PTPRN2: variants seen among roughly 807,000 people sequenced by gnomAD.
PTPRN2 encodes the protein receptor-type tyrosine-protein phosphatase N2.
Under a neutral mutation model 118.8 loss-of-function variants are expected in PTPRN2, and 74 were observed. That is an observed-to-expected ratio of 0.62 (90% CI 0.52 to 0.76). PTPRN2 has a LOEUF of 0.76. Ranked by LOEUF, PTPRN2 falls within the 30% of genes least tolerant of loss-of-function variation. PTPRN2 has a pLI of 0.00. For missense variants in PTPRN2, 1,481 were observed against 1,394.4 expected (o/e 1.06, Z -0.99); for synonymous variants, 641 against 608.0 (o/e 1.05, Z -0.80).
chr7:157,641,084 A>G (rs1012610206), intron 14 of PTPRN2, among the ~76,000 whole-genome samples: 2 of 152,238 alleles, frequency 1.3e-5, no homozygotes, highest in African/African-American at 4.8e-5. Context: ...ATACTGAACA[A>G]TACTGTATGT....
intron 3 of PTPRN2, among the ~76,000 whole-genome samples, chr7:158,264,180 G>A (rs1015495659): frequency 4.6e-5 from 7 of 152,192 alleles, no homozygotes; most frequent in African/African-American, 1.4e-4. Context: ...AGCGCGTCAG[G>A]CAGAATGAGC....
intron 17 of PTPRN2, among the ~76,000 whole-genome samples, chr7:157,586,678 T>C (rs752774130): frequency 6.6e-6 from 1 of 151,712 alleles, no homozygotes; most frequent in Non-Finnish European, 1.5e-5. Context: ...GGCCCCCTGC[T>C]ACTGGACACT....
intron 3 of PTPRN2, among the ~76,000 whole-genome samples, chr7:158,292,429 T>C (rs1800182942): frequency 6.6e-6 from 1 of 152,196 alleles, no homozygotes; most frequent in African/African-American, 2.4e-5. Flanking sequence ...GTAAAAACTG[T>C]GGGTTGCATC....
chr7:158,463,648 C>T (rs4909229), intron 2 of PTPRN2, among the ~76,000 whole-genome samples: 2,645 of 148,564 alleles, frequency 0.018, 46 homozygotes, highest in Admixed American at 0.061. Flanking sequence ...ATCATCATCA[C>T]CATCATCGTC....
intron 16 of PTPRN2, among the ~76,000 whole-genome samples, chr7:157,599,551 A>G (rs1199318108): frequency 6.6e-6 from 1 of 152,182 alleles, no homozygotes; most frequent in Non-Finnish European, 1.5e-5. Flanking sequence ...AATTTCCCCA[A>G]TATTCCAAAC....
At chr7:157,634,545 G>A (rs538998401) in intron 14 of PTPRN2, among the ~76,000 whole-genome samples, 1 of 152,312 alleles carries the variant, frequency 6.6e-6, no homozygotes, top group South Asian at 2.1e-4. Context: ...CTGAAACACA[G>A]ACCAAGGCAT....
chr7:157,872,501 C>T (rs974551913), intron 12 of PTPRN2, among the ~76,000 whole-genome samples: 3 of 152,106 alleles, frequency 2.0e-5, no homozygotes, highest in Non-Finnish European at 2.9e-5. Context: ...AGTGTCCTCC[C>T]CACACACGCA....
chr7:158,180,630 T>C (rs1388908344), intron 5 of PTPRN2, among the ~76,000 whole-genome samples: 1 of 152,252 alleles, frequency 6.6e-6, no homozygotes. Context: ...CAGTGTCTTG[T>C]AGTTCTCTGT....
At chr7:158,128,207 C>T (rs980535409) in intron 9 of PTPRN2, among the ~76,000 whole-genome samples, 2 of 152,098 alleles carry the variant, frequency 1.3e-5, no homozygotes, top group Admixed American at 6.5e-5. Context: ...GAAAACTTGC[C>T]CAAGAGAATC....
chr7:158,536,665 C>CGGGACTCAGG, intron 1 of PTPRN2, among the ~76,000 whole-genome samples: 1 of 148,462 alleles, frequency 6.7e-6, no homozygotes, highest in African/African-American at 2.5e-5. Context: ...CCACCATTGA[C>CGGGACTCAGG]AAAACAAGAC....
intron 3 of PTPRN2, among the ~76,000 whole-genome samples, chr7:158,207,700 G>A (rs55633973): frequency 0.17 from 26,021 of 152,062 alleles, 2,481 homozygotes; most frequent in Non-Finnish European, 0.22. Flanking sequence ...AGATTTTAGC[G>A]ACTACAATAA....
intron 5 of PTPRN2, among the ~76,000 whole-genome samples, chr7:158,171,998 C>G (rs1243994796): frequency 2.0e-5 from 3 of 152,170 alleles, no homozygotes; most frequent in Non-Finnish European, 4.4e-5. Flanking sequence ...TCTGGGGTAG[C>G]CCAGCTGTGG....
intron 12 of PTPRN2, among the ~76,000 whole-genome samples, chr7:157,828,571 C>T (rs1396896682): frequency 1.4e-5 from 2 of 142,868 alleles, no homozygotes; most frequent in Non-Finnish European, 3.0e-5. Context: ...GGTATGATCA[C>T]AGCAAGACCC....
chr7:158,149,371 C>G (rs1052263059), intron 6 of PTPRN2, among the ~76,000 whole-genome samples: 7 of 151,852 alleles, frequency 4.6e-5, no homozygotes, highest in Non-Finnish European at 7.4e-5. Flanking sequence ...AAACTTAAAT[C>G]TAACCAGTGT....
In PTPRN2 at chr7:158,256,321, G is replaced by C. The variant is rs190500216; in HGVS notation, c.278-51048C>G. 2.3e-3 allele frequency among the ~76,000 whole-genome samples: 333 copies of C among 143,560 alleles called. 3 individuals carry two copies. Among genetic ancestry groups the C allele is most frequent in the African/African-American group, 7.9e-3 (323 of 40,874 alleles). 94.2% of individuals were successfully genotyped at this position (143,560 alleles called of 152,430 possible). ...AAGTGGACGTGGCAGGGACCCCGCG[G>C]CTGCCTCTGCTGAGGGGGACAAGAG... On this transcript the variant is annotated intron_variant, in intron 3 of 22. Coordinates refer to ENST00000389418, the MANE Select transcript of PTPRN2 (RefSeq NM_002847.5).
intron 12 of PTPRN2, among the ~76,000 whole-genome samples, chr7:157,701,790 G>T (rs1366678209): frequency 6.6e-6 from 1 of 151,696 alleles, no homozygotes; most frequent in Non-Finnish European, 1.5e-5. Context: ...GGGTTTGTAA[G>T]AGAGCCGGGT....
chr7:157,904,147 C>T (rs1157035161), intron 11 of PTPRN2, among the ~76,000 whole-genome samples: 3 of 152,196 alleles, frequency 2.0e-5, no homozygotes, highest in Non-Finnish European at 4.4e-5. Flanking sequence ...CATCGCTCAA[C>T]GACTTTGCTC....
intron 14 of PTPRN2, among the ~76,000 whole-genome samples, chr7:157,624,810 T>C (rs568597562): frequency 6.6e-6 from 1 of 152,360 alleles, no homozygotes; most frequent in South Asian, 2.1e-4. Flanking sequence ...ACAGTATTTG[T>C]GGCTTTTCCC....
intron 20 of PTPRN2, among the ~76,000 whole-genome samples, chr7:157,570,545 C>T (rs1799705164): frequency 6.6e-6 from 1 of 152,186 alleles, no homozygotes; most frequent in African/African-American, 2.4e-5. Flanking sequence ...ATGAGTTCTT[C>T]ACCAAAAGGA....
Sources: allele counts gnomAD v4.1 joint callset (sites outside exome capture counted in the v4.1 genomes callset), GRCh38; gene constraint gnomAD v4.1.1; transcripts MANE v1.5; gene names NCBI Gene and HGNC (gene_info 2026-07-23, HGNC 2026-07-21).